BMPER: variants seen among roughly 807,000 people sequenced by gnomAD.
The protein encoded by BMPER is BMP binding endothelial regulator.
Under a neutral mutation model 87.3 loss-of-function variants are expected in BMPER, and 45 were observed. That is an observed-to-expected ratio of 0.52 (90% CI 0.41 to 0.66). The LOEUF (loss-of-function observed/expected upper bound fraction) is 0.66, where lower values mean the gene tolerates loss of function less well. BMPER is among the 30% of genes least tolerant of loss of function. The pLI, the probability that BMPER is intolerant of heterozygous loss-of-function variation, is 0.00. For synonymous variants in BMPER, 326 were observed against 316.2 expected, an observed-to-expected ratio of 1.03 and a Z score of -0.33; for missense variants, 784 against 867.5, an observed-to-expected ratio of 0.90 and a Z score of 1.21.
intron 2 of BMPER, chr7:33,921,903 T>A: frequency 4.3e-6 from 2 of 465,178 alleles, no homozygotes; most frequent in Non-Finnish European, 8.9e-6. Context: ...TGAAGCGGGA[T>A]CCAGCTCCCC....
intron 6 of BMPER, among the ~76,000 whole-genome samples, chr7:34,041,165 A>T (rs1445743568): frequency 6.6e-6 from 1 of 152,120 alleles, no homozygotes; most frequent in Non-Finnish European, 1.5e-5. Context: ...TTACATTTCA[A>T]CCCTGCCACT....
intron 13 of BMPER, among the ~76,000 whole-genome samples, chr7:34,139,487 T>C (rs745658200): frequency 1.6e-4 from 24 of 152,228 alleles, no homozygotes; most frequent in Non-Finnish European, 3.2e-4. Context: ...TTTAGAAAAG[T>C]GATATGTATT....
chr7:34,020,378 C>G (rs1464031084), intron 6 of BMPER, among the ~76,000 whole-genome samples: 3 of 151,912 alleles, frequency 2.0e-5, no homozygotes, highest in Non-Finnish European at 4.4e-5. Flanking sequence ...TCTGGAGTTA[C>G]AGATTTGGGA....
At chr7:34,004,943 A>G (rs932821290) in intron 6 of BMPER, among the ~76,000 whole-genome samples, 3 of 152,122 alleles carry the variant, frequency 2.0e-5, no homozygotes, top group Non-Finnish European at 4.4e-5. Flanking sequence ...AGGGTTATGT[A>G]GGAGCTTCTC....
Position 33,965,426 on chromosome 7 carries a change from T to G in BMPER, c.320-1053T>G, listed in dbSNP as rs142104350. Among the ~76,000 whole-genome samples the G allele has an allele frequency of 1.2e-4, 19 of 152,256 alleles. 1 individual carries two copies. The highest frequency in any genetic ancestry group is 4.6e-4 in the African/African-American group (19 of 41,540). On this transcript the variant is annotated intron_variant, in intron 3 of 14. Transcript: ENST00000649409. ...TTTTAACCACAGCATTATCTAAAAG[T>G]TCTCATGGAAGGAGTGAGTCTCTCT... is the stretch of plus-strand genomic sequence containing the variant.
intron 13 of BMPER, among the ~76,000 whole-genome samples, chr7:34,096,636 A>G (rs542496434): frequency 6.6e-6 from 1 of 152,276 alleles, no homozygotes; most frequent in Non-Finnish European, 1.5e-5. Flanking sequence ...TGCACTGTCC[A>G]TGACACTTGC....
At chr7:33,945,673 A>T (rs1784877146) in intron 3 of BMPER, among the ~76,000 whole-genome samples, 1 of 152,146 alleles carries the variant, frequency 6.6e-6, no homozygotes. Context: ...TATCTGGTTG[A>T]TTTTAAGACC....
At chr7:33,973,571 T>G (rs1035607110) in intron 5 of BMPER, among the ~76,000 whole-genome samples, 1 of 152,234 alleles carries the variant, frequency 6.6e-6, no homozygotes, top group Admixed American at 6.5e-5. Context: ...ATCAGGTGGA[T>G]GTAATGCCCA....
intron 2 of BMPER, among the ~76,000 whole-genome samples, chr7:33,920,392 C>G (rs2128604277): frequency 6.8e-6 from 1 of 147,698 alleles, no homozygotes; most frequent in East Asian, 2.0e-4. Flanking sequence ...CTGGCTGGCT[C>G]CTGTGCAGAC....
chr7:34,069,239 A>T (rs1458284612), intron 11 of BMPER, among the ~76,000 whole-genome samples: 1 of 152,132 alleles, frequency 6.6e-6, no homozygotes, highest in East Asian at 1.9e-4. Context: ...AACAATAGAA[A>T]CCCCAAGCTG....
chr7:33,908,015 C>G (rs116177581), intron 2 of BMPER, among the ~76,000 whole-genome samples: 1 of 152,146 alleles, frequency 6.6e-6, no homozygotes, highest in African/African-American at 2.4e-5. Context: ...CAAGTAAAAA[C>G]GCACTGCGTT....
At chr7:33,960,738 G>A (rs1394717629) in intron 3 of BMPER, among the ~76,000 whole-genome samples, 1 of 152,204 alleles carries the variant, frequency 6.6e-6, no homozygotes, top group African/African-American at 2.4e-5. Context: ...GGAGTTGAAT[G>A]GGACCACATA....
At chr7:33,906,997 T>A in intron 2 of BMPER, 94 bp downstream of exon 2, 1 of 1,211,486 alleles carries the variant, frequency 8.3e-7, no homozygotes, top group East Asian at 2.4e-5. Context: ...TTACAAATTG[T>A]CTTTATCATT....
At chr7:34,002,496 A>C (rs2127935884) in intron 6 of BMPER, among the ~76,000 whole-genome samples, 1 of 151,894 alleles carries the variant, frequency 6.6e-6, no homozygotes, top group Admixed American at 6.6e-5. Flanking sequence ...GTGGGTTATA[A>C]TCCCATCATA....
intron 3 of BMPER, among the ~76,000 whole-genome samples, chr7:33,944,740 A>T (rs1784844335): frequency 6.6e-6 from 1 of 152,140 alleles, no homozygotes; most frequent in Non-Finnish European, 1.5e-5. Context: ...TACGTGAGCT[A>T]CTTCTATAAT....
chr7:34,087,370 T>C (rs1789243505), intron 13 of BMPER, among the ~76,000 whole-genome samples: 1 of 152,182 alleles, frequency 6.6e-6, no homozygotes, highest in African/African-American at 2.4e-5. Flanking sequence ...CTGGCTTTAT[T>C]TGGAATCTAA....
chr7:34,130,206 CT>C (rs1790546808), intron 13 of BMPER, among the ~76,000 whole-genome samples: 1 of 150,852 alleles, frequency 6.6e-6, no homozygotes, highest in Non-Finnish European at 1.5e-5. Flanking sequence ...CTCTCTCTCT[CT>C]CTCTGTCTTC....
At chr7:33,931,926 C>T (rs774066639) in intron 2 of BMPER, among the ~76,000 whole-genome samples, 6 of 151,956 alleles carry the variant, frequency 3.9e-5, no homozygotes, top group Non-Finnish European at 5.9e-5. Context: ...CTCACTGTGC[C>T]AGAAGTTACA....
chr7:34,131,604 G>A (rs182506322), intron 13 of BMPER, among the ~76,000 whole-genome samples: 10 of 152,292 alleles, frequency 6.6e-5, no homozygotes, highest in Non-Finnish European at 1.0e-4. Flanking sequence ...TGACTGCTGC[G>A]TGTGGCTGGG....
Sources: gnomAD v4.1 joint callset for allele counts (sites outside exome capture counted in the v4.1 genomes callset) on GRCh38, gnomAD v4.1.1 for gene constraint, MANE v1.5 for transcripts, NCBI Gene and HGNC (gene_info 2026-07-23, HGNC 2026-07-21) for gene names.